Variants in MRPL23 observed in about 807,000 individuals in gnomAD.
The protein encoded by MRPL23 is mitochondrial ribosomal protein L23.
For missense variants in MRPL23, 25 were observed against 81.3 expected (o/e 0.31, Z 2.66); for synonymous variants, 12 against 34.8 (o/e 0.35, Z 2.30).
At position 1,971,064 on chromosome 11, in the gene MRPL23, C is replaced by T. The variant is rs538954846; in HGVS notation, c.298-1495C>T. ...TGGACTTTGCTCCTCTGCACCCTCA[C>T]GTCCACCACTCGTCCCTGTCCTCCC... is the stretch of plus-strand genomic sequence containing the variant. On this transcript the variant is annotated intron_variant, in intron 4 of 4. Transcript: ENST00000397294. Among the ~76,000 whole-genome samples the T allele has an allele frequency of 1.5e-3, 209 of 143,616 alleles. 8 individuals are homozygous for T. Among genetic ancestry groups the T allele is most frequent in the African/African-American group, 4.8e-3 (194 of 40,468 alleles). The allele number at this position is 143,616 out of a possible 152,430, so 94.2% of individuals were successfully genotyped here. A position where few individuals can be genotyped will look rare whatever the true frequency, so the allele number is the denominator to read the frequency against.
the MRPL23 span, among the ~76,000 whole-genome samples, chr11:1,991,503 CA>C: frequency 2.8e-5 from 2 of 72,194 alleles, no homozygotes; most frequent in African/African-American, 7.2e-5. Flanking sequence ...TTTGAGAAGT[CA>C]CAAGATCTCC....
chr11:1,993,659 G>GCCA, the MRPL23 span: 110 of 59,370 alleles, frequency 1.9e-3, 4 homozygotes, highest in African/African-American at 4.1e-3. Flanking sequence ...AATAAAGGCC[G>GCCA]TTTATAGACC....
the MRPL23 span, chr11:1,991,885 C>G: frequency 3.7e-5 from 5 of 134,628 alleles, 2 homozygotes; most frequent in Admixed American, 3.8e-4. Flanking sequence ...GCATTGTAGT[C>G]AGACCCAAAA....
chr11:1,968,454 CAG>C (rs533743632), intron 4 of MRPL23, among the ~76,000 whole-genome samples: 48 of 78,682 alleles, frequency 6.1e-4, no homozygotes, highest in African/African-American at 2.2e-3. Flanking sequence ...CGCTCCTCGT[CAG>C]GGGGCAGGGA....
downstream of MRPL23, among the ~76,000 whole-genome samples, chr11:1,989,084 G>C (rs1455677074): frequency 2.9e-5 from 4 of 139,864 alleles, no homozygotes; most frequent in Admixed American, 2.9e-4. Flanking sequence ...ACCTCAGAGT[G>C]GCAAGCACTT....
chr11:1,959,363 G>A (rs930702485), downstream of MRPL23, among the ~76,000 whole-genome samples: 3 of 58,582 alleles, frequency 5.1e-5, no homozygotes, highest in South Asian at 1.1e-3. Context: ...AGGGCTGTGC[G>A]GGGAGGGCCC....
chr11:1,994,663 C>T, the MRPL23 span, among the ~76,000 whole-genome samples: 61 of 79,394 alleles, frequency 7.7e-4, 20 homozygotes, highest in Non-Finnish European at 1.8e-3. Flanking sequence ...GGAGCAGGAA[C>T]GGGACTGGCG....
At chr11:1,971,084 C>G (rs1034137440) in intron 4 of MRPL23, among the ~76,000 whole-genome samples, 3 of 145,452 alleles carry the variant, frequency 2.1e-5, no homozygotes, top group African/African-American at 7.4e-5. Context: ...TCGTCCCTGT[C>G]CTCCCGGGGC....
rs909521712 is a variant in MRPL23, at chr11:1,953,597, G to A, written c.297+742G>A. Among the ~76,000 whole-genome samples, 3 of 101,804 alleles carry A rather than the reference G, an allele frequency of 2.9e-5. 1 individual carries two copies. Among genetic ancestry groups the A allele is most frequent in the African/African-American group, 4.1e-5 (1 of 24,230 alleles). 66.8% of individuals were successfully genotyped at this position (101,804 alleles called of 152,430 possible). On this transcript the variant is annotated intron_variant, in intron 4 of 4. Transcript: ENST00000397298. ...GGCCAAGATGTCCACAGCCTGCCCC[G>A]GCCGCCTCCTGGGCCTCCCCACTCT...
chr11:1,990,610 C>CCTCTT, the MRPL23 span, among the ~76,000 whole-genome samples: 34 of 63,832 alleles, frequency 5.3e-4, no homozygotes, highest in African/African-American at 1.9e-3. Flanking sequence ...CCTCCAGGGC[C>CCTCTT]GGCCCCACTC....
rs1157396438 is a variant in MRPL23, at chr11:1,953,686, G to GGCCGA, written c.297+836_297+840dup. Among the ~76,000 whole-genome samples, 2 of 100,782 alleles carry GGCCGA rather than the reference G, an allele frequency of 2.0e-5. 1 individual carries two copies. The highest frequency in any genetic ancestry group is 3.9e-5 in the Non-Finnish European group (2 of 50,672). 66.1% of individuals were successfully genotyped at this position (100,782 alleles called of 152,430 possible). ...TCTTCCGGTGTAAATGGTCCCTGGA[G>GGCCGA]GCCGAGCCGGCGGGCCCTGCCACTA... On this transcript the variant is annotated intron_variant, in intron 4 of 4. Coordinates refer to ENST00000397298, the MANE Select transcript of MRPL23 (RefSeq NM_021134.4).
At chr11:1,950,652 G>A (rs1856285488) in intron 1 of MRPL23, among the ~76,000 whole-genome samples, 1 of 35,346 alleles carries the variant, frequency 2.8e-5, no homozygotes, top group African/African-American at 6.0e-5. Flanking sequence ...GACACGCGGG[G>A]GTCTGCAGGG....
Position 1,950,636 on chromosome 11 carries a change from T to G in MRPL23, c.18-263T>G, listed in dbSNP as rs478876. ...CCCTGTTTCCCGCCCACCCCTGTTG[T>G]GAGTGGACACGCGGGGGTCTGCAGG... On this transcript the variant is annotated intron_variant, in intron 1 of 4. Coordinates refer to ENST00000397298, the MANE Select transcript of MRPL23 (RefSeq NM_021134.4). Among the ~76,000 whole-genome samples the G allele has an allele frequency of 1.4e-3, 33 of 23,382 alleles. 2 individuals carry two copies. The highest frequency in any genetic ancestry group is 1.8e-3 in the African/African-American group (23 of 12,834). 15.3% of individuals were successfully genotyped at this position (23,382 alleles called of 152,430 possible).
At chr11:1,988,737 G>T (rs769242110), downstream of MRPL23, among the ~76,000 whole-genome samples, 2 of 134,686 alleles carry the variant, frequency 1.5e-5, no homozygotes, top group Admixed American at 1.5e-4. Context: ...CTTCCTCCAC[G>T]TACTTTTCCC....
chr11:1,951,642 C>T lies in MRPL23; in HGVS notation c.141-485C>T, dbSNP rs577618500. Reference sequence around the variant, plus strand: ...TGCAGTAGAGGGAACTTGCAGTTAACGCACCGAATGCCAGGCAGGCCTTTC... The same window carrying T: ...TGCAGTAGAGGGAACTTGCAGTTAATGCACCGAATGCCAGGCAGGCCTTTC... On this transcript the variant is annotated intron_variant, in intron 2 of 4. Coordinates refer to ENST00000397298, the MANE Select transcript of MRPL23 (RefSeq NM_021134.4). Among the ~76,000 whole-genome samples, 4 of 85,120 alleles carry T rather than the reference C, an allele frequency of 4.7e-5. 1 individual carries two copies. The highest frequency in any genetic ancestry group is 3.3e-4 in the East Asian group (1 of 3,004). The allele number at this position is 85,120 out of a possible 152,430, so 55.8% of individuals were successfully genotyped here.
chr11:1,988,907 C>T (rs1856843887), downstream of MRPL23, among the ~76,000 whole-genome samples: 1 of 145,620 alleles, frequency 6.9e-6, no homozygotes, highest in Non-Finnish European at 1.5e-5. Flanking sequence ...GCTCCCTTCC[C>T]GCTTGCCCCA....
chr11:1,994,647 A>C, the MRPL23 span, among the ~76,000 whole-genome samples: 2 of 83,778 alleles, frequency 2.4e-5, 1 homozygote, highest in Non-Finnish European at 6.6e-5. Flanking sequence ...CACCCACAGC[A>C]AAAGGGGAGC....
downstream of MRPL23, among the ~76,000 whole-genome samples, chr11:1,975,109 T>TG (rs547868010): frequency 1.4e-5 from 2 of 142,750 alleles, no homozygotes; most frequent in East Asian, 4.1e-4. Flanking sequence ...CAAGATGCGA[T>TG]GGTGGCTGTG....
At chr11:1,994,521 C>G in the MRPL23 span, among the ~76,000 whole-genome samples, 1 of 96,404 alleles carries the variant, frequency 1.0e-5, no homozygotes, top group Non-Finnish European at 2.8e-5. Context: ...TCCTGGTCCC[C>G]TGGCCTCCTT....
Sources: gnomAD v4.1 joint callset for allele counts (sites outside exome capture counted in the v4.1 genomes callset) on GRCh38, gnomAD v4.1.1 for gene constraint, MANE v1.5 for transcripts, NCBI Gene and HGNC (gene_info 2026-07-23, HGNC 2026-07-21) for gene names.